CSE1L: variants seen among roughly 807,000 people sequenced by gnomAD.
CSE1L encodes the protein exportin-2.
In CSE1L, 24 loss-of-function variants were observed where a neutral mutation model predicts 120.4. That is an observed-to-expected ratio of 0.20 (90% CI 0.14 to 0.28). CSE1L has a LOEUF of 0.28. Among genes scored for constraint, CSE1L ranks in the 10% least tolerant of loss-of-function variants. The pLI, the probability that CSE1L is intolerant of heterozygous loss-of-function variation, is 1.00. For synonymous variants in CSE1L, 402 were observed against 398.3 expected, an observed-to-expected ratio of 1.01 and a Z score of -0.11; for missense variants, 830 against 1,145.2, an observed-to-expected ratio of 0.72 and a Z score of 3.97.
chr20:49,075,248 C>T, intron 11 of CSE1L, 70 bp from the exon 12 acceptor site: 4 of 1,268,406 alleles, frequency 3.2e-6, no homozygotes, highest in East Asian at 2.4e-5. Context: ...AATTTGTTTT[C>T]TTATAAATTG....
chr20:49,083,841 A>C (rs1473686284), intron 14 of CSE1L, among the ~76,000 whole-genome samples, 185 bp from the exon 15 acceptor site: 3 of 152,168 alleles, frequency 2.0e-5, no homozygotes, highest in Admixed American at 6.5e-5. Context: ...AGAATTTAGA[A>C]AGTGGAAATT....
At chr20:49,072,220 G>GT in intron 8 of CSE1L, 66 bp from the exon 9 acceptor site, 1 of 1,536,824 alleles carries the variant, frequency 6.5e-7, no homozygotes, top group South Asian at 1.2e-5. Flanking sequence ...AGGAATTTCA[G>GT]TTACTCCTCT....
At chr20:49,095,769 T>C (rs2092134793) in intron 24 of CSE1L, among the ~76,000 whole-genome samples, 1 of 152,162 alleles carries the variant, frequency 6.6e-6, no homozygotes, top group Non-Finnish European at 1.5e-5. Context: ...GGTTTATGCC[T>C]GTAGTTCTAG....
chr20:49,091,571 A>G (rs2092101340), intron 21 of CSE1L, among the ~76,000 whole-genome samples: 1 of 152,148 alleles, frequency 6.6e-6, no homozygotes, highest in Admixed American at 6.5e-5. Flanking sequence ...CTGTCTCTAC[A>G]AAACAGCCAA....
intron 10 of CSE1L, among the ~76,000 whole-genome samples, chr20:49,073,903 A>G (rs892976350): frequency 1.3e-5 from 2 of 152,198 alleles, no homozygotes; most frequent in Non-Finnish European, 2.9e-5. Context: ...TTGTGTTTTC[A>G]TAAAAATATG....
rs192441742 is a variant in CSE1L at position 49,076,600 on chromosome 20, G to A, written c.1336-380G>A. 6.4e-3 allele frequency among the ~76,000 whole-genome samples: 813 copies of A among 126,786 alleles called. 6 individuals are homozygous for A. Among genetic ancestry groups the A allele is most frequent in the Middle Eastern group, 0.012 (2 of 170 alleles). 83.2% of individuals were successfully genotyped at this position (126,786 alleles called of 152,430 possible). A position where few individuals can be genotyped will look rare whatever the true frequency, so the allele number is the denominator to read the frequency against. ...GCTGGAATGCAATGGCAACATCTCAGATTACTGCAACCTCTGCCTCCCGGG... is the reference window on the plus strand; with the variant it reads ...GCTGGAATGCAATGGCAACATCTCAAATTACTGCAACCTCTGCCTCCCGGG... On this transcript the variant is annotated intron_variant, in intron 12 of 24. Coordinates refer to ENST00000262982, the MANE Select transcript of CSE1L (RefSeq NM_001316.4).
Position 49,084,049 on chromosome 20 carries a change from C to T in CSE1L, c.1506C>T (p.Val502=), listed in dbSNP as rs776057453. Residue 502 remains valine, a synonymous_variant, in exon 15 of 25, where the codon GTC becomes GTT. Coordinates refer to ENST00000262982, the MANE Select transcript of CSE1L (RefSeq NM_001316.4). Reference sequence around the variant, plus strand: ...AGGTGCCAAAAGAACATCTTTTAGTCTCGATTCCTCTCTTGATTAATCATC... The same window carrying T: ...AGGTGCCAAAAGAACATCTTTTAGTTTCGATTCCTCTCTTGATTAATCATC... ...RNQVPKEHLL[V]SIPLLINHLQ... 5.0e-6 allele frequency: 8 copies of T among 1,613,634 alleles called. No homozygotes were observed. In the South Asian group the frequency reaches 6.6e-5, roughly 13 times the overall value.
chr20:49,053,147 CTTTTTTT>C (rs71184250), intron 1 of CSE1L, among the ~76,000 whole-genome samples: 173 of 122,708 alleles, frequency 1.4e-3, no homozygotes, highest in East Asian at 7.4e-3. Context: ...CCCTGTCTCT[CTTTTTTT>C]TTTTTTTTTT....
chr20:49,046,773 G>T (rs1009042446), intron 1 of CSE1L, among the ~76,000 whole-genome samples: 7 of 152,218 alleles, frequency 4.6e-5, no homozygotes, highest in Non-Finnish European at 1.5e-5. Context: ...TCTCCGCTCG[G>T]GAAGGCCGCT....
intron 8 of CSE1L, 61 bp downstream of exon 8, chr20:49,070,358 A>C (rs559850846): frequency 1.3e-6 from 1 of 792,824 alleles, no homozygotes; most frequent in Admixed American, 2.4e-5. Flanking sequence ...ATTTGGCTAC[A>C]GTCTGGAAAC....
chr20:49,087,696 T>A (rs1380763806), intron 16 of CSE1L, among the ~76,000 whole-genome samples: 1 of 151,970 alleles, frequency 6.6e-6, no homozygotes, highest in Non-Finnish European at 1.5e-5. Flanking sequence ...CAAACAGTTC[T>A]CTCTCAGACT....
At chr20:49,085,467 TTATACA>T in intron 16 of CSE1L, 81 bp downstream of exon 16, 6 of 915,746 alleles carry the variant, frequency 6.6e-6, no homozygotes, top group Non-Finnish European at 1.0e-5. Context: ...ATACTTCAGG[TTATACA>T]GTCTATGAAC....
rs2092098143 is a variant in CSE1L at position 49,091,126 on chromosome 20, A to G, written c.2365+104A>G. 8.1e-6 allele frequency: 7 copies of G among 868,908 alleles called. No individual in the cohort carries two copies. The South Asian group carries it at 9.5e-5, about 12-fold the overall frequency. 53.8% of individuals were successfully genotyped at this position (868,908 alleles called of 1,614,324 possible). A position where few individuals can be genotyped will look rare whatever the true frequency, so the allele number is the denominator to read the frequency against. On this transcript the variant is annotated intron_variant, in intron 21 of 24. Transcript: ENST00000262982. ...ACATTTTTTATCCGTTTTAAACTTT[A>G]TGCAAAAAATACTTGGCCACGTGTG...
intron 19 of CSE1L, among the ~76,000 whole-genome samples, chr20:49,090,235 A>T (rs1053666396): frequency 2.0e-5 from 3 of 152,224 alleles, no homozygotes; most frequent in Non-Finnish European, 4.4e-5. Flanking sequence ...GGAAAATTTT[A>T]AAAACAGAGC....
At position 49,087,930 on chromosome 20, in the gene CSE1L, G is replaced by T. The variant is rs576828169; in HGVS notation, c.1724-79G>T. On this transcript the variant is annotated intron_variant, in intron 16 of 24. Transcript: ENST00000262982. ...TAAAATTTAGTTGATGAATTAGTGC[G>T]CTTTTTTCCCCCCAGTCGCTCTCTT... 18 of 884,116 alleles carry T rather than the reference G, an allele frequency of 2.0e-5. No homozygotes were observed. The African/African-American group carries it at 2.2e-4, about 11-fold the overall frequency. The allele number at this position is 884,116 out of a possible 1,614,324, so 54.8% of individuals were successfully genotyped here. A position where few individuals can be genotyped will look rare whatever the true frequency, so the allele number is the denominator to read the frequency against.
At chr20:49,060,775 C>G (rs950197935) in intron 2 of CSE1L, among the ~76,000 whole-genome samples, 1 of 136,778 alleles carries the variant, frequency 7.3e-6, no homozygotes, top group African/African-American at 2.8e-5. Context: ...GACTTTGTCT[C>G]AAAAAAAAAA....
At chr20:49,063,448 C>G in intron 3 of CSE1L, 104 bp downstream of exon 3, 1 of 637,288 alleles carries the variant, frequency 1.6e-6, no homozygotes, top group Non-Finnish European at 2.4e-6. Context: ...CCCAACTACT[C>G]TGGAGGCTGA....
intron 7 of CSE1L, among the ~76,000 whole-genome samples, chr20:49,069,891 G>A (rs573655737): frequency 9.8e-5 from 15 of 152,356 alleles, no homozygotes; most frequent in Admixed American, 2.6e-4. Flanking sequence ...AAAGAAAGGG[G>A]ATGTATTAGT....
In CSE1L at chr20:49,077,012, C is replaced by A; in HGVS notation, c.1368C>A (p.Asn456Lys). The change falls in exon 13 of 25, where the codon AAC becomes AAA. Residue 456 changes from asparagine (N) to lysine (K), a missense_variant. Physicochemically the swap from Asn to Lys is moderately conservative, Grantham distance 94. Around this residue, in one of 4 missense-constraint regions of CSE1L, gnomAD observed 543 missense variants for 640.2 expected, o/e 0.85. Transcript: ENST00000262982. ...HGITQANELV[N>K]LTEFFVNHIL... Reference sequence around the variant, plus strand: ...TTACACAAGCAAATGAACTTGTAAACCTAACTGAGTTCTTTGTGAATCACA... The same window carrying A: ...TTACACAAGCAAATGAACTTGTAAAACTAACTGAGTTCTTTGTGAATCACA... The A allele has an allele frequency of 6.2e-7, 1 of 1,606,904 alleles. No homozygotes were observed. Among genetic ancestry groups the A allele is most frequent in the African/African-American group, 1.3e-5 (1 of 74,628 alleles).
Sources: gnomAD v4.1 joint callset for allele counts (sites outside exome capture counted in the v4.1 genomes callset) on GRCh38, gnomAD v4.1.1 for gene constraint, gnomAD v4.1.1 regional missense constraint, MANE v1.5 for transcripts, NCBI Gene and HGNC (gene_info 2026-07-23, HGNC 2026-07-21) for gene names.